The following SPHKAP variants were observed in gnomAD, a reference collection of about 807,000 sequenced individuals.
The protein encoded by SPHKAP is SPHK1 interactor, AKAP domain containing.
Under a neutral mutation model 137.5 loss-of-function variants are expected in SPHKAP, and 67 were observed. That is an observed-to-expected ratio of 0.49 (90% CI 0.40 to 0.60). The LOEUF is 0.60. Among genes scored for constraint, SPHKAP ranks in the 20% least tolerant of loss-of-function variants. SPHKAP has a pLI of 0.00. For synonymous variants in SPHKAP, 813 were observed against 785.3 expected (o/e 1.04, Z -0.59); for missense variants, 2,097 against 2,069.3 (o/e 1.01, Z -0.26).
At chr2:228,046,839 G>A (rs1179505936) in intron 3 of SPHKAP, among the ~76,000 whole-genome samples, 1 of 152,120 alleles carries the variant, frequency 6.6e-6, no homozygotes, top group African/African-American at 2.4e-5. Context: ...CCCTCCTTGG[G>A]CAAGAAGAGA....
At chr2:228,097,126 T>C (rs932526351) in intron 3 of SPHKAP, among the ~76,000 whole-genome samples, 1 of 152,206 alleles carries the variant, frequency 6.6e-6, no homozygotes, top group Non-Finnish European at 1.5e-5. Flanking sequence ...TTTAAAGGTA[T>C]TTTAATGAGA....
intron 3 of SPHKAP, among the ~76,000 whole-genome samples, chr2:228,063,496 CAATGTAG>C (rs1696727749): frequency 6.6e-6 from 1 of 152,132 alleles, no homozygotes; most frequent in Admixed American, 6.5e-5. Flanking sequence ...CATTTTGCAA[CAATGTAG>C]AATTTTAGCT....
At chr2:228,172,074 T>C (rs528112236) in intron 1 of SPHKAP, among the ~76,000 whole-genome samples, 1 of 152,274 alleles carries the variant, frequency 6.6e-6, no homozygotes, top group South Asian at 2.1e-4. Context: ...GTATATCCTA[T>C]TTAAGAATGT....
chr2:228,168,844 A>T (rs1700495932), intron 1 of SPHKAP, among the ~76,000 whole-genome samples: 1 of 152,306 alleles, frequency 6.6e-6, no homozygotes, highest in South Asian at 2.1e-4. Flanking sequence ...AGTTAGCCAC[A>T]TTGTGAATGC....
At chr2:228,143,913 C>T (rs555390227) in intron 1 of SPHKAP, among the ~76,000 whole-genome samples, 22 of 152,174 alleles carry the variant, frequency 1.4e-4, no homozygotes, top group Non-Finnish European at 3.1e-4. Context: ...CATGGACCGT[C>T]TGTTACCTCT....
At chr2:228,178,370 A>G (rs1333367272) in intron 1 of SPHKAP, among the ~76,000 whole-genome samples, 1 of 152,186 alleles carries the variant, frequency 6.6e-6, no homozygotes, top group African/African-American at 2.4e-5. Context: ...TTGACTCACA[A>G]GGATGTGATG....
rs188318971 is a variant in SPHKAP, at chr2:228,121,610, A to G, written c.138+10370T>C. ...AGGAAACAACTGCCTTTTAAGATGCATGCAGATGGGCACATAATCTGTGAA... is the reference window on the plus strand; with the variant it reads ...AGGAAACAACTGCCTTTTAAGATGCGTGCAGATGGGCACATAATCTGTGAA... On this transcript the variant is annotated intron_variant, in intron 2 of 11. Transcript: ENST00000392056. 7.2e-3 allele frequency among the ~76,000 whole-genome samples: 1,103 copies of G among 152,356 alleles called. 7 individuals carry two copies. Among genetic ancestry groups the G allele is most frequent in the Non-Finnish European group, 0.012 (783 of 68,028 alleles).
At chr2:228,054,475 G>A (rs574844416) in intron 3 of SPHKAP, among the ~76,000 whole-genome samples, 1 of 152,232 alleles carries the variant, frequency 6.6e-6, no homozygotes, top group East Asian at 1.9e-4. Context: ...ATTTTGAGAA[G>A]TTTGGCAATA....
intron 7 of SPHKAP, among the ~76,000 whole-genome samples, chr2:228,001,358 A>AATATATATACACATAT (rs1183936645): frequency 7.0e-6 from 1 of 143,466 alleles, no homozygotes; most frequent in African/African-American, 2.6e-5. Context: ...CACATATATA[A>AATATATATACACATAT]ATATATACAC....
chr2:228,047,305 A>G (rs1369268182), intron 3 of SPHKAP, among the ~76,000 whole-genome samples: 2 of 152,076 alleles, frequency 1.3e-5, no homozygotes, highest in Non-Finnish European at 2.9e-5. Context: ...ATCTCTGCTA[A>G]AAATACAAAA....
chr2:227,988,223 C>T lies in SPHKAP; in HGVS notation c.4959+2777G>A, dbSNP rs140859332. 4.2e-3 allele frequency among the ~76,000 whole-genome samples: 637 copies of T among 152,116 alleles called. 3 individuals carry two copies. Among genetic ancestry groups the T allele is most frequent in the African/African-American group, 0.015 (605 of 41,496 alleles). On this transcript the variant is annotated intron_variant, in intron 11 of 11. Coordinates refer to ENST00000392056, the MANE Select transcript of SPHKAP (RefSeq NM_001142644.2). ...TCAGTCACAGACAACAAATGGTACT[C>T]GTATTCGTGGAAAAGCCACTATGTG...
intron 3 of SPHKAP, among the ~76,000 whole-genome samples, chr2:228,105,040 C>G (rs895339107): frequency 6.6e-6 from 1 of 152,132 alleles, no homozygotes; most frequent in Non-Finnish European, 1.5e-5. Flanking sequence ...GGGATCATAG[C>G]TAACTGCAGC....
At chr2:228,080,934 G>A (rs1168781850) in intron 3 of SPHKAP, among the ~76,000 whole-genome samples, 1 of 151,990 alleles carries the variant, frequency 6.6e-6, no homozygotes, top group Non-Finnish European at 1.5e-5. Context: ...AAAACAGTAT[G>A]GAGGTTCCTC....
chr2:228,018,710 T>A lies in SPHKAP; in HGVS notation c.2144A>T (p.Asp715Val). 6.2e-7 allele frequency: 1 copy of A among 1,614,170 alleles called. No homozygotes were observed. The highest frequency in any genetic ancestry group is 2.2e-5 in the East Asian group (1 of 44,880). ...LMESTNQLLL[D>V]VICFTFKKMS... ...CTTCTTGAACGTGAAGCATATCACA[T>A]CTAAAAGCAGTTGATTTGTACTTTC... Residue 715 changes from aspartate (D) to valine (V), a missense_variant, in exon 7 of 12, where the codon GAT (aspartate) becomes GTT (valine). Transcript: ENST00000392056.
chr2:228,096,273 G>T (rs1574845753), intron 3 of SPHKAP, among the ~76,000 whole-genome samples: 2 of 152,120 alleles, frequency 1.3e-5, no homozygotes, highest in Non-Finnish European at 2.9e-5. Context: ...GGATACTTGG[G>T]TGCAATTATA....
At chr2:227,989,247 C>T (rs1459464431) in intron 11 of SPHKAP, among the ~76,000 whole-genome samples, 2 of 152,142 alleles carry the variant, frequency 1.3e-5, no homozygotes, top group African/African-American at 2.4e-5. Context: ...TAAAGAACTA[C>T]TGGGAAGTAT....
intron 7 of SPHKAP, among the ~76,000 whole-genome samples, chr2:228,002,289 G>A (rs1284650725): frequency 1.3e-5 from 2 of 152,136 alleles, no homozygotes; most frequent in Non-Finnish European, 2.9e-5. Context: ...ATATCTCATT[G>A]TGGTTTTGAT....
At chr2:228,008,913 C>A (rs919219968) in intron 7 of SPHKAP, among the ~76,000 whole-genome samples, 1 of 152,118 alleles carries the variant, frequency 6.6e-6, no homozygotes, top group African/African-American at 2.4e-5. Flanking sequence ...AGTCTCAATC[C>A]TCTAACTTTG....
intron 1 of SPHKAP, among the ~76,000 whole-genome samples, chr2:228,151,624 T>C (rs190235830): frequency 7.7e-4 from 118 of 152,300 alleles, no homozygotes; most frequent in Admixed American, 1.6e-3. Flanking sequence ...TGATCGCCAT[T>C]CTAACTGGTG....
Sources: allele counts gnomAD v4.1 joint callset (sites outside exome capture counted in the v4.1 genomes callset), GRCh38; gene constraint gnomAD v4.1.1; transcripts MANE v1.5; gene names NCBI Gene and HGNC (gene_info 2026-07-23, HGNC 2026-07-21).